TEAD4: variants seen among roughly 807,000 people sequenced by gnomAD.
TEAD4 encodes transcriptional enhancer factor TEF-3.
TEAD4 carries 36 observed loss-of-function variants against 52.4 expected under a neutral mutation model. The ratio of observed to expected loss-of-function variants is 0.69; its 90% CI spans 0.53 to 0.91. The LOEUF (loss-of-function observed/expected upper bound fraction) is 0.91, where lower values mean the gene tolerates loss of function less well. TEAD4 is among the 40% of genes least tolerant of loss of function. The probability of loss-of-function intolerance (pLI) is 0.00; values close to 1 mark genes in which losing one functional copy is unlikely to be tolerated. For synonymous variants in TEAD4, 220 were observed against 231.0 expected (o/e 0.95, Z 0.43); for missense variants, 508 against 583.9 (o/e 0.87, Z 1.34).
intron 10 of TEAD4, among the ~76,000 whole-genome samples, chr12:3,024,670 AAAAAC>A (rs2098270939): frequency 6.6e-6 from 1 of 152,084 alleles, no homozygotes; most frequent in African/African-American, 2.4e-5. Flanking sequence ...CAAAAAAACA[AAAAAC>A]AAAACAAAAG....
At chr12:3,035,388 G>A (rs910436166) in intron 10 of TEAD4, among the ~76,000 whole-genome samples, 6 of 152,186 alleles carry the variant, frequency 3.9e-5, no homozygotes, top group East Asian at 3.8e-4. Flanking sequence ...TCCTGCCAGC[G>A]GCATTTCAGG....
chr12:2,998,948 G>A (rs1278838962), intron 3 of TEAD4, among the ~76,000 whole-genome samples: 1 of 152,120 alleles, frequency 6.6e-6, no homozygotes, highest in Non-Finnish European at 1.5e-5. Flanking sequence ...GGTTCTGCTG[G>A]GATCCAGACA....
chr12:3,031,761 CAGGT>C (rs2098275730), intron 10 of TEAD4, among the ~76,000 whole-genome samples: 1 of 152,228 alleles, frequency 6.6e-6, no homozygotes, highest in Non-Finnish European at 1.5e-5. Context: ...GAGGTACAGA[CAGGT>C]AGAATCACCT....
In TEAD4 at chr12:3,029,623, C is replaced by T. The variant is rs370351426; in HGVS notation, c.897+7606C>T. ...CTTGAACTCCTGGCCTCAAGTGATCCTCCTGCCTCAGCCTTCCAAAGTGCT... is the reference window on the plus strand; with the variant it reads ...CTTGAACTCCTGGCCTCAAGTGATCTTCCTGCCTCAGCCTTCCAAAGTGCT... On this transcript the variant is annotated intron_variant, in intron 10 of 12. Coordinates refer to ENST00000359864, the MANE Select transcript of TEAD4 (RefSeq NM_003213.4). Among the ~76,000 whole-genome samples, 6 of 152,252 alleles carry T rather than the reference C, an allele frequency of 3.9e-5. No homozygotes were observed. The East Asian group carries it at 7.7e-4, about 20-fold the overall frequency.
chr12:3,040,411 A>G lies in TEAD4; in HGVS notation c.1238A>G (p.Tyr413Cys), dbSNP rs768302943. The G allele has an allele frequency of 6.2e-6, 10 of 1,614,034 alleles. No individual in the cohort carries two copies. Among genetic ancestry groups the G allele is most frequent in the South Asian group, 4.4e-5 (4 of 91,080 alleles). ...CAGGAGACCTTGCTGTGCATTGCCT[A>G]TGTCTTTGAGGTGTCAGCCAGTGAG... The change falls in exon 13 of 13, where the codon TAT (tyrosine) becomes TGT (cysteine). Residue 413 changes from tyrosine (Y) to cysteine (C), a missense_variant. By Grantham distance (194) the Tyr-to-Cys change is radical. Coordinates refer to ENST00000359864, the MANE Select transcript of TEAD4 (RefSeq NM_003213.4).
intron 5 of TEAD4, among the ~76,000 whole-genome samples, chr12:3,012,445 G>A (rs2098261097): frequency 6.6e-6 from 1 of 152,146 alleles, no homozygotes. Context: ...GGAGCTACAG[G>A]CCAGGCTCCT....
At chr12:3,020,916 C>A (rs1057176619) in intron 9 of TEAD4, 143 bp downstream of exon 9, 9 of 902,364 alleles carry the variant, frequency 1.0e-5, no homozygotes, top group Middle Eastern at 2.3e-4. Flanking sequence ...CCCTTCCCCC[C>A]ACTCCTCCTT....
At position 3,011,891 on chromosome 12, in the gene TEAD4, C is replaced by CGAA. The variant is rs768061616; in HGVS notation, c.292-279_292-278insGAA. Among the ~76,000 whole-genome samples the CGAA allele has an allele frequency of 2.5e-4, 38 of 152,280 alleles. No homozygotes were observed. The South Asian group carries it at 3.3e-3, about 13-fold the overall frequency. ...GTGTTGGCCAGGCTGGTCTCGAACTCCTGACCTCAAGTGATCCACCTGCCT... is the reference window on the plus strand; with the variant it reads ...GTGTTGGCCAGGCTGGTCTCGAACTCGAACTGACCTCAAGTGATCCACCTGCCT... On this transcript the variant is annotated intron_variant, in intron 4 of 12. Coordinates refer to ENST00000359864, the MANE Select transcript of TEAD4 (RefSeq NM_003213.4).
intron 8 of TEAD4, among the ~76,000 whole-genome samples, chr12:3,019,914 A>C (rs1045567858): frequency 2.0e-5 from 3 of 152,166 alleles, no homozygotes; most frequent in Non-Finnish European, 4.4e-5. Flanking sequence ...TCTTCTGTCC[A>C]CACTGACCAT....
At chr12:3,037,849 C>T (rs898088975) in intron 10 of TEAD4, 119 bp from the exon 11 acceptor site, 10 of 1,256,888 alleles carry the variant, frequency 8.0e-6, no homozygotes, top group Non-Finnish European at 6.5e-6. Flanking sequence ...TACTGTCTAC[C>T]CTCAGTCTGA....
intron 2 of TEAD4, among the ~76,000 whole-genome samples, chr12:2,973,094 G>GT (rs59122168): frequency 0.062 from 9,435 of 152,206 alleles, 940 homozygotes; most frequent in African/African-American, 0.21. Context: ...GAATCATGCA[G>GT]TTACATAGCT....
At chr12:2,993,806 C>T (rs1251423035) in intron 2 of TEAD4, among the ~76,000 whole-genome samples, 4 of 152,118 alleles carry the variant, frequency 2.6e-5, no homozygotes, top group Non-Finnish European at 4.4e-5. Context: ...ACCTCGTCAG[C>T]GGAATCATGC....
rs981136163 is a variant in TEAD4 at position 3,040,625 on chromosome 12, C to T, written c.*147C>T. 4.4e-6 allele frequency: 3 copies of T among 685,410 alleles called. No individual in the cohort carries two copies. The Admixed American group carries it at 7.8e-5, about 18-fold the overall frequency. The allele number at this position is 685,410 out of a possible 1,614,324, so 42.5% of individuals were successfully genotyped here. A position where few individuals can be genotyped will look rare whatever the true frequency, so the allele number is the denominator to read the frequency against. Reference sequence around the variant, plus strand: ...TACCCAGGAACAAACTGTGCCTGAACCTGAGGTGCCCAACCCCAAATAAAC... The same window carrying T: ...TACCCAGGAACAAACTGTGCCTGAATCTGAGGTGCCCAACCCCAAATAAAC... On this transcript the variant is annotated 3_prime_UTR_variant, in exon 13 of 13. Coordinates refer to ENST00000359864, the MANE Select transcript of TEAD4 (RefSeq NM_003213.4).
At chr12:3,010,895 T>C (rs769954080) in intron 3 of TEAD4, 109 bp from the exon 4 acceptor site, 450 of 1,203,276 alleles carry the variant, frequency 3.7e-4, no homozygotes, top group Non-Finnish European at 5.3e-4. Context: ...CCGCTTAGGA[T>C]GGGCAGAGAG....
At chr12:2,974,725 C>T (rs540931361) in intron 2 of TEAD4, among the ~76,000 whole-genome samples, 47 of 152,272 alleles carry the variant, frequency 3.1e-4, no homozygotes, top group East Asian at 1.2e-3. Flanking sequence ...CAGGGCAGGG[C>T]GTGCACCGAG....
Position 2,982,652 on chromosome 12 carries a change from C to T in TEAD4, c.-29-12086C>T, listed in dbSNP as rs192484813. Among the ~76,000 whole-genome samples, 318 of 152,288 alleles carry T rather than the reference C, an allele frequency of 2.1e-3. 1 individual carries two copies. Among genetic ancestry groups the T allele is most frequent in the Non-Finnish European group, 3.3e-3 (222 of 68,030 alleles). On this transcript the variant is annotated intron_variant, in intron 2 of 12. Coordinates refer to ENST00000359864, the MANE Select transcript of TEAD4 (RefSeq NM_003213.4). ...GGGCCGCGGGCAGATAGGAGAAGCT[C>T]GCCAGTGACGGCTGTGAACCTGGAG... is the stretch of plus-strand genomic sequence containing the variant.
chr12:3,023,394 A>G (rs551495157), intron 10 of TEAD4, among the ~76,000 whole-genome samples: 33 of 152,344 alleles, frequency 2.2e-4, no homozygotes, highest in Non-Finnish European at 4.6e-4. Flanking sequence ...CTGTTCTGGA[A>G]TGAAAAATAA....
chr12:2,962,409 C>T (rs2098216556), intron 2 of TEAD4, among the ~76,000 whole-genome samples: 1 of 149,456 alleles, frequency 6.7e-6, no homozygotes, highest in Non-Finnish European at 1.5e-5. Flanking sequence ...GATCTCGGCT[C>T]ACCACAACCT....
intron 3 of TEAD4, among the ~76,000 whole-genome samples, chr12:2,999,823 A>C (rs1191312018): frequency 1.3e-5 from 2 of 152,036 alleles, no homozygotes; most frequent in African/African-American, 4.8e-5. Flanking sequence ...CCTCACACTC[A>C]GTGCTGGCCG....
Sources: allele counts gnomAD v4.1 joint callset (sites outside exome capture counted in the v4.1 genomes callset), GRCh38; gene constraint gnomAD v4.1.1; transcripts MANE v1.5; gene names NCBI Gene and HGNC (gene_info 2026-07-23, HGNC 2026-07-21).